Variants in UCHL3 observed in about 807,000 individuals in gnomAD.
UCHL3 encodes the protein ubiquitin carboxyl-terminal hydrolase isozyme L3.
A neutral mutation model predicts 35.8 loss-of-function variants in UCHL3; 22 were observed. The observed-to-expected ratio is 0.61, with a 90% CI of 0.44 to 0.88. UCHL3 has a LOEUF of 0.88. UCHL3 is among the 40% of genes least tolerant of loss of function. The pLI, the probability that UCHL3 is intolerant of heterozygous loss-of-function variation, is 0.00. For synonymous variants in UCHL3, 90 were observed against 92.8 expected (o/e 0.97, Z 0.17); for missense variants, 229 against 276.9 (o/e 0.83, Z 1.23).
intron 6 of UCHL3, 73 bp from the exon 7 acceptor site, chr13:75,594,842 T>A (rs1287415619): frequency 9.8e-7 from 1 of 1,021,066 alleles, no homozygotes; most frequent in Non-Finnish European, 1.5e-6. Context: ...GTTATTTGTA[T>A]GTGTTTATGT....
intron 6 of UCHL3, among the ~76,000 whole-genome samples, chr13:75,573,039 C>A (rs1425783799): frequency 6.6e-6 from 1 of 152,122 alleles, no homozygotes; most frequent in African/African-American, 2.4e-5. Context: ...CCAAGGCAGG[C>A]GGATCACCTG....
intron 2 of UCHL3, among the ~76,000 whole-genome samples, chr13:75,554,655 A>G (rs1462359986): frequency 6.6e-6 from 1 of 152,174 alleles, no homozygotes; most frequent in Non-Finnish European, 1.5e-5. Flanking sequence ...ATGCACCCAA[A>G]GTGGCCTTAA....
chr13:75,589,899 C>T (rs867126269), intron 6 of UCHL3: 16 of 1,272,586 alleles, frequency 1.3e-5, no homozygotes, highest in Admixed American at 9.8e-5. Context: ...CACCCAGTAA[C>T]GTGGTCTAAG....
In UCHL3 at chr13:75,560,507, G is replaced by T. The variant is rs905800831; in HGVS notation, c.55-246G>T. ...GCTTTACTACCATTCTGCCCCCCTA[G>T]TTTTACTGAAGTATAATTGACAAAA... is the stretch of plus-strand genomic sequence containing the variant. On this transcript the variant is annotated intron_variant, in intron 2 of 8. Transcript: ENST00000377595. 4.6e-5 allele frequency among the ~76,000 whole-genome samples: 7 copies of T among 152,078 alleles called. No homozygotes were observed. The highest frequency in any genetic ancestry group is 1.7e-4 in the African/African-American group (7 of 41,420).
chr13:75,572,986 C>T lies in UCHL3; in HGVS notation c.474+3479C>T, dbSNP rs147682096. 1.0e-3 allele frequency among the ~76,000 whole-genome samples: 154 copies of T among 152,226 alleles called. 4 individuals carry two copies. The South Asian group carries it at 0.03, about 29-fold the overall frequency. On this transcript the variant is annotated intron_variant, in intron 6 of 8. Coordinates refer to ENST00000377595, the MANE Select transcript of UCHL3 (RefSeq NM_006002.5). ...TCTCATTTAAGATTCATCTCCCTGC[C>T]GGGCATGGGGGCTCACGCCTGTAAT...
At chr13:75,577,339 ATATAG>A (rs1243976125) in intron 6 of UCHL3, among the ~76,000 whole-genome samples, 3 of 152,212 alleles carry the variant, frequency 2.0e-5, no homozygotes, top group Non-Finnish European at 2.9e-5. Context: ...TCTCTAAACA[ATATAG>A]TATAACAACA....
chr13:75,589,029 C>A (rs1163078072), intron 6 of UCHL3, among the ~76,000 whole-genome samples: 7 of 152,154 alleles, frequency 4.6e-5, no homozygotes, highest in Admixed American at 4.6e-4. Flanking sequence ...AAATACCTAA[C>A]CTTATCAGAA....
intron 6 of UCHL3, among the ~76,000 whole-genome samples, chr13:75,588,055 A>C (rs192346548): frequency 7.9e-5 from 12 of 152,142 alleles, no homozygotes; most frequent in Non-Finnish European, 1.8e-4. Context: ...CAGGCATCTC[A>C]TGCCTTTTGC....
intron 6 of UCHL3, among the ~76,000 whole-genome samples, chr13:75,581,506 C>T (rs1224411305): frequency 6.3e-5 from 9 of 142,802 alleles, no homozygotes; most frequent in African/African-American, 1.8e-4. Context: ...TGTACCATCA[C>T]ACCTGGCTAA....
chr13:75,594,880 A>G (rs780306938), intron 6 of UCHL3, 35 bp from the exon 7 acceptor site: 1 of 1,507,540 alleles, frequency 6.6e-7, no homozygotes. Context: ...TTGACTACTA[A>G]TGTATATAAT....
intron 7 of UCHL3, among the ~76,000 whole-genome samples, chr13:75,598,616 A>G (rs1185642476): frequency 2.0e-5 from 3 of 152,224 alleles, no homozygotes; most frequent in African/African-American, 7.2e-5. Context: ...CATCTGATTT[A>G]TCCTCATGAT....
rs182221578 is a variant in UCHL3, at chr13:75,580,513, T to A, written c.474+11006T>A. ...CTAGAGATGTTCCCAATTATTTTCT[T>A]TTCCATGTGCCATATTTTAGACTCA... On this transcript the variant is annotated intron_variant, in intron 6 of 8. Coordinates refer to ENST00000377595, the MANE Select transcript of UCHL3 (RefSeq NM_006002.5). Among the ~76,000 whole-genome samples, 406 of 152,322 alleles carry A rather than the reference T, an allele frequency of 2.7e-3. 1 individual carries two copies. The highest frequency in any genetic ancestry group is 8.9e-3 in the African/African-American group (370 of 41,568).
At chr13:75,559,635 A>C (rs1338602536) in intron 2 of UCHL3, among the ~76,000 whole-genome samples, 5 of 152,212 alleles carry the variant, frequency 3.3e-5, no homozygotes, top group Non-Finnish European at 7.3e-5. Flanking sequence ...CTGGTTTTGC[A>C]AGACCTCATT....
chr13:75,587,754 G>A (rs1335779896), intron 6 of UCHL3, among the ~76,000 whole-genome samples: 1 of 151,952 alleles, frequency 6.6e-6, no homozygotes, highest in Non-Finnish European at 1.5e-5. Flanking sequence ...AAAAGAAGAG[G>A]GCCATCATAC....
At chr13:75,556,539 G>T (rs1412477655) in intron 2 of UCHL3, among the ~76,000 whole-genome samples, 1 of 152,182 alleles carries the variant, frequency 6.6e-6, no homozygotes. Context: ...AAATTTGAAA[G>T]GAAAGTGAAT....
intron 6 of UCHL3, among the ~76,000 whole-genome samples, chr13:75,592,436 A>ACG (rs1410639250): frequency 6.9e-4 from 65 of 94,176 alleles, no homozygotes; most frequent in Non-Finnish European, 1.0e-3. Flanking sequence ...ATATATATAT[A>ACG]TATATATATA....
intron 6 of UCHL3, among the ~76,000 whole-genome samples, chr13:75,583,175 T>TA (rs1476059380): frequency 6.6e-6 from 1 of 152,200 alleles, no homozygotes; most frequent in East Asian, 1.9e-4. Flanking sequence ...AGTAAGGTAG[T>TA]AGACAAAAGC....
chr13:75,591,888 T>C lies in UCHL3; in HGVS notation c.475-3027T>C, dbSNP rs143085079. On this transcript the variant is annotated intron_variant, in intron 6 of 8. Transcript: ENST00000377595. ...GATTATTTATATTAGACTTACCTGG[T>C]TGAGTATCTCAAGCCAGAACATTTA... 7.2e-5 allele frequency among the ~76,000 whole-genome samples: 11 copies of C among 152,150 alleles called. No individual in the cohort carries two copies. In the East Asian group the frequency reaches 2.1e-3, roughly 29 times the overall value.
chr13:75,604,448 C>T (rs2032872436), intron 7 of UCHL3: 2 of 212,752 alleles, frequency 9.4e-6, no homozygotes, highest in African/African-American at 2.3e-5. Context: ...TTTTTAATTT[C>T]CAAGGATAAA....
Sources: gnomAD v4.1 joint callset for allele counts (sites outside exome capture counted in the v4.1 genomes callset) on GRCh38, gnomAD v4.1.1 for gene constraint, MANE v1.5 for transcripts, NCBI Gene and HGNC (gene_info 2026-07-23, HGNC 2026-07-21) for gene names.